The following MGA variants were observed in gnomAD, a reference collection of about 807,000 sequenced individuals.
The protein encoded by MGA is MAX gene-associated protein.
In MGA, 40 loss-of-function variants were observed where a neutral mutation model predicts 261.1. The ratio of observed to expected loss-of-function variants is 0.15; its 90% confidence interval spans 0.12 to 0.20. The LOEUF is 0.20. Ranked by LOEUF, MGA falls within the 10% of genes least tolerant of loss-of-function variation. MGA has a pLI of 1.00. For missense variants in MGA, 3,397 were observed against 3,630.5 expected (o/e 0.94, Z 1.65); for synonymous variants, 1,302 against 1,290.6 (o/e 1.01, Z -0.19).
At chr15:41,757,532 T>G (rs1284070025) in intron 18 of MGA, among the ~76,000 whole-genome samples, 1 of 152,234 alleles carries the variant, frequency 6.6e-6, no homozygotes, top group East Asian at 1.9e-4. Flanking sequence ...CCCTGGATAC[T>G]GAAGGACAAC....
chr15:41,657,319 C>T (rs1449548103), upstream of MGA, among the ~76,000 whole-genome samples: 2 of 139,754 alleles, frequency 1.4e-5, no homozygotes, highest in South Asian at 2.3e-4. Context: ...CCTGAATTTT[C>T]AGGTTGGCTA....
rs61754768 is a variant in MGA, at chr15:41,749,584, G to T, written c.5977G>T (p.Val1993Phe). The change falls in exon 17 of 24, where the codon GTT becomes TTT. Residue 1993 changes from valine (V) to phenylalanine (F), a missense_variant. By Grantham distance (50) the Val-to-Phe change is conservative. Around this residue, in one of 9 missense-constraint regions of MGA, gnomAD observed 1,410 missense variants for 1,386.4 expected, o/e 1.02. Transcript: ENST00000219905. ...AAAAAGAGAGCAAGAAACGAAGAAG[G>T]TTCTACAGTCAGAAGGAGAGGCTGT... The T allele has an allele frequency of 1.4e-3, 2,223 of 1,613,912 alleles. 5 individuals carry two copies. Among genetic ancestry groups the T allele is most frequent in the Non-Finnish European group, 1.5e-3 (1,788 of 1,179,886 alleles).
At chr15:41,673,540 C>CTT (rs777334913) in intron 2 of MGA, among the ~76,000 whole-genome samples, 3,283 of 118,876 alleles carry the variant, frequency 0.028, 91 homozygotes, top group South Asian at 0.047. Flanking sequence ...TTCTTTCTTT[C>CTT]TTTTTTTTTT....
chr15:41,767,086 G>T lies in MGA; in HGVS notation c.9004G>T (p.Asp3002Tyr). 1 of 1,614,048 alleles carries T rather than the reference G, an allele frequency of 6.2e-7. No individual in the cohort carries two copies. The highest frequency in any genetic ancestry group is 1.6e-4 in the Middle Eastern group (1 of 6,062). The change falls in exon 24 of 24, where the codon GAT (aspartate) becomes TAT (tyrosine). Residue 3002 changes from aspartate to tyrosine, a missense_variant. By Grantham distance (160) the Asp-to-Tyr change is radical (BLOSUM62 -3). This residue lies in a region of MGA where 647 missense variants were observed against 642.4 expected (regional missense o/e 1.01). Coordinates refer to ENST00000219905, the MANE Select transcript of MGA (RefSeq NM_001164273.2). ...TTTAAAAGTAGCTAATCCTTCCAGT[G>T]ATGCAGATGGTCAGAGTCTCAAGGT...
chr15:41,737,508 A>C (rs1224111210), intron 13 of MGA, among the ~76,000 whole-genome samples: 1 of 152,070 alleles, frequency 6.6e-6, no homozygotes, highest in African/African-American at 2.4e-5. Flanking sequence ...AAATTCAGCC[A>C]TATTTACTTA....
chr15:41,734,602 T>G lies in MGA; in HGVS notation c.3916+8T>G. ...ATTCTGATAAATTACAAGGTCAGAA[T>G]GAAAACTAGATCTTAACATTTGATA... On this transcript the variant is annotated splice_region_variant and intron_variant, in intron 12 of 23. Coordinates refer to ENST00000219905, the MANE Select transcript of MGA (RefSeq NM_001164273.2). 6.4e-7 allele frequency: 1 copy of G among 1,567,020 alleles called. No homozygotes were observed. The highest frequency in any genetic ancestry group is 1.2e-5 in the South Asian group (1 of 86,396).
At chr15:41,681,399 G>GTTT (rs397967721) in intron 2 of MGA, among the ~76,000 whole-genome samples, 6 of 136,190 alleles carry the variant, frequency 4.4e-5, no homozygotes, top group Admixed American at 2.2e-4. Flanking sequence ...AGTATACTCT[G>GTTT]TTTTTTTTTT....
intron 13 of MGA, among the ~76,000 whole-genome samples, chr15:41,737,890 G>T (rs2061875407): frequency 6.6e-6 from 1 of 152,014 alleles, no homozygotes; most frequent in African/African-American, 2.4e-5. Context: ...TGAGGCAGGA[G>T]AATCATTTGA....
At chr15:41,690,583 G>A (rs867085201) in intron 2 of MGA, among the ~76,000 whole-genome samples, 1 of 152,070 alleles carries the variant, frequency 6.6e-6, no homozygotes, top group Non-Finnish European at 1.5e-5. Flanking sequence ...GACTGGGCAC[G>A]GTGGATCATG....
At chr15:41,704,105 G>T (rs567115524) in intron 5 of MGA, among the ~76,000 whole-genome samples, 1 of 152,298 alleles carries the variant, frequency 6.6e-6, no homozygotes, top group African/African-American at 2.4e-5. Context: ...GAGCCATTAT[G>T]TCTGGCCGGT....
intron 1 of MGA, among the ~76,000 whole-genome samples, chr15:41,626,662 A>T (rs1296967752): frequency 6.6e-6 from 1 of 152,106 alleles, no homozygotes; most frequent in African/African-American, 2.4e-5. Context: ...ACCTCAGGAG[A>T]TCCACCCGCC....
chr15:41,741,898 G>C (rs1245132020), intron 14 of MGA, among the ~76,000 whole-genome samples: 1 of 151,666 alleles, frequency 6.6e-6, no homozygotes. Context: ...TTTTAGTAGA[G>C]ACGGGGTTTC....
rs2063809387 is a variant in MGA, at chr15:41,766,625, C to T, written c.8543C>T (p.Pro2848Leu). 1 of 1,613,970 alleles carries T rather than the reference C, an allele frequency of 6.2e-7. No homozygotes were observed. The highest frequency in any genetic ancestry group is 2.2e-5 in the East Asian group (1 of 44,882). The change falls in exon 24 of 24, where the codon CCC becomes CTC. Residue 2848 changes from proline (P) to leucine (L), a missense_variant. Pro to Leu is a moderately conservative substitution (Grantham distance 98). This residue lies in a region of MGA where 647 missense variants were observed against 642.4 expected (regional missense o/e 1.01). Coordinates refer to ENST00000219905, the MANE Select transcript of MGA (RefSeq NM_001164273.2). Reference sequence around the variant, plus strand: ...GACTCTGTTGGCCTGGCTGAACTACCCAGCTCTATGGATACAGAGTTCCCA... The same window carrying T: ...GACTCTGTTGGCCTGGCTGAACTACTCAGCTCTATGGATACAGAGTTCCCA...
intron 1 of MGA, among the ~76,000 whole-genome samples, chr15:41,664,651 C>G (rs1453432791): frequency 6.6e-6 from 1 of 151,986 alleles, no homozygotes; most frequent in Non-Finnish European, 1.5e-5. Flanking sequence ...TACTTATTCA[C>G]AAAAATAGTT....
chr15:41,703,936 T>C (rs901951856), intron 5 of MGA, among the ~76,000 whole-genome samples: 1 of 152,072 alleles, frequency 6.6e-6, no homozygotes, highest in Non-Finnish European at 1.5e-5. Flanking sequence ...GCCCCCCAAG[T>C]AGCTGGGACT....
At chr15:41,667,640 A>G (rs2057827455) in intron 1 of MGA, among the ~76,000 whole-genome samples, 1 of 152,036 alleles carries the variant, frequency 6.6e-6, no homozygotes, top group Non-Finnish European at 1.5e-5. Context: ...TTGGCCTCCC[A>G]AAGTGCTGGG....
chr15:41,646,977 C>T (rs1016284744), intron 1 of MGA, among the ~76,000 whole-genome samples: 4 of 152,182 alleles, frequency 2.6e-5, no homozygotes, highest in Non-Finnish European at 5.9e-5. Context: ...GACTGCCTGT[C>T]TTCCATGTAC....
chr15:41,722,121 AATTT>A (rs1269674036), intron 9 of MGA, among the ~76,000 whole-genome samples: 21 of 123,396 alleles, frequency 1.7e-4, no homozygotes, highest in South Asian at 1.5e-3. Flanking sequence ...AAAGTAGGCC[AATTT>A]TTTTTTTTTT....
chr15:41,707,078 A>G (rs2060158948), intron 5 of MGA, among the ~76,000 whole-genome samples: 1 of 152,238 alleles, frequency 6.6e-6, no homozygotes, highest in African/African-American at 2.4e-5. Context: ...GTGAGTTTGT[A>G]ATAGAGGCCT....
Sources: gnomAD v4.1 joint callset for allele counts (sites outside exome capture counted in the v4.1 genomes callset) on GRCh38, gnomAD v4.1.1 for gene constraint, gnomAD v4.1.1 regional missense constraint, MANE v1.5 for transcripts, NCBI Gene and HGNC (gene_info 2026-07-23, HGNC 2026-07-21) for gene names.